RALGPS1: variants seen among roughly 807,000 people sequenced by gnomAD.
RALGPS1 encodes ras-specific guanine nucleotide-releasing factor RalGPS1.
RALGPS1 carries 19 observed loss-of-function variants against 78.8 expected under a neutral mutation model. That is an observed-to-expected ratio of 0.24 (90% CI 0.17 to 0.35). RALGPS1 has a LOEUF of 0.35. Ranked by LOEUF, RALGPS1 falls within the 10% of genes least tolerant of loss-of-function variation. The pLI is 1.00. For missense variants in RALGPS1, 454 were observed against 688.3 expected (o/e 0.66, Z 3.81); for synonymous variants, 228 against 256.3 (o/e 0.89, Z 1.06).
chr9:127,036,758 A>G (rs2046896943), intron 5 of RALGPS1, among the ~76,000 whole-genome samples: 1 of 152,258 alleles, frequency 6.6e-6, no homozygotes, highest in African/African-American at 2.4e-5. Flanking sequence ...TACAACCCCA[A>G]GGAATACCCT....
At chr9:126,969,977 G>C (rs1289157536) in intron 3 of RALGPS1, among the ~76,000 whole-genome samples, 2 of 152,170 alleles carry the variant, frequency 1.3e-5, no homozygotes, top group Non-Finnish European at 2.9e-5. Flanking sequence ...GGAGTGCCTA[G>C]GTGTTAGAAT....
intron 7 of RALGPS1, among the ~76,000 whole-genome samples, chr9:127,057,438 G>A (rs997135709): frequency 1.3e-5 from 2 of 152,216 alleles, no homozygotes; most frequent in South Asian, 4.1e-4. Flanking sequence ...CTAGGGCAGG[G>A]CGTCCTGTTG....
chr9:126,957,131 C>T (rs914945870), intron 1 of RALGPS1, among the ~76,000 whole-genome samples: 2 of 152,252 alleles, frequency 1.3e-5, no homozygotes, highest in African/African-American at 4.8e-5. Context: ...GTGCCTTGCA[C>T]AGCACCTGCA....
rs147852010 is a variant in RALGPS1 at position 126,923,813 on chromosome 9, A to G, written c.-66+8838A>G. ...GCCTCCCAAGTAGCTCCCAAGTGCC[A>G]CTACACCTGGCTGACAACCTTTTTT... On this transcript the variant is annotated intron_variant, in intron 1 of 18. Coordinates refer to ENST00000259351, the MANE Select transcript of RALGPS1 (RefSeq NM_014636.3). Among the ~76,000 whole-genome samples, 116 of 152,244 alleles carry G rather than the reference A, an allele frequency of 7.6e-4. 1 individual carries two copies. Among genetic ancestry groups the G allele is most frequent in the East Asian group, 2.9e-3 (15 of 5,182 alleles).
At position 127,196,621 on chromosome 9, in the gene RALGPS1, A is replaced by G; in HGVS notation, c.1185A>G (p.Gly395=). ...CCTCCTCCTCTGCTGTCACCAATGG[A>G]CTCTCCCTAGGTAAGCGTCTCCGGC... ...ALTSSSAVTN[G]LSLGSSESSE... Residue 395 remains glycine (G), a synonymous_variant, in exon 13 of 19, where the codon GGA becomes GGG. Coordinates refer to ENST00000259351, the MANE Select transcript of RALGPS1 (RefSeq NM_014636.3). 6.2e-7 allele frequency: 1 copy of G among 1,601,736 alleles called. No individual in the cohort carries two copies. The highest frequency in any genetic ancestry group is 8.5e-7 in the Non-Finnish European group (1 of 1,173,590).
intron 1 of RALGPS1, among the ~76,000 whole-genome samples, chr9:126,916,813 C>T (rs765408340): frequency 6.6e-6 from 1 of 151,888 alleles, no homozygotes; most frequent in Non-Finnish European, 1.5e-5. Flanking sequence ...AAAAGAAGAC[C>T]CCCAAAAGAA....
intron 3 of RALGPS1, among the ~76,000 whole-genome samples, chr9:126,967,896 A>T (rs1385480030): frequency 1.3e-5 from 2 of 152,174 alleles, no homozygotes. Flanking sequence ...CTTTCTAAGG[A>T]CGGGAACTTA....
At chr9:127,120,805 G>A (rs973325542) in intron 8 of RALGPS1, among the ~76,000 whole-genome samples, 12 of 151,236 alleles carry the variant, frequency 7.9e-5, no homozygotes, top group Non-Finnish European at 1.5e-4. Context: ...TCCAGCCTGG[G>A]TGACAGAGCG....
intron 11 of RALGPS1, chr9:127,178,499 G>A (rs2060016421): frequency 1.0e-6 from 1 of 989,376 alleles, no homozygotes; most frequent in Admixed American, 5.8e-5. Flanking sequence ...TCATGGTGAT[G>A]TGATTATCAT....
intron 1 of RALGPS1, among the ~76,000 whole-genome samples, chr9:126,916,006 C>A (rs1415635291): frequency 3.3e-5 from 5 of 152,192 alleles, no homozygotes; most frequent in Non-Finnish European, 7.3e-5. Context: ...GAGAGTTTTT[C>A]ACCTGTTTCC....
intron 4 of RALGPS1, among the ~76,000 whole-genome samples, chr9:127,020,396 A>C (rs555637272): frequency 1.3e-5 from 2 of 152,374 alleles, no homozygotes; most frequent in South Asian, 4.1e-4. Context: ...CATGAGGATC[A>C]ACATTAAGAA....
Position 126,950,344 on chromosome 9 carries a change from T to C in RALGPS1, c.-65-11881T>C, listed in dbSNP as rs905905636. Reference sequence around the variant, plus strand: ...ACTTTAAAGTAGTTTTTTCCAATTCTGTGAAGAAAGTCATTGGTAGCTTGA... The same window carrying C: ...ACTTTAAAGTAGTTTTTTCCAATTCCGTGAAGAAAGTCATTGGTAGCTTGA... On this transcript the variant is annotated intron_variant, in intron 1 of 18. Transcript: ENST00000259351. 5.3e-5 allele frequency among the ~76,000 whole-genome samples: 8 copies of C among 152,350 alleles called. No individual in the cohort carries two copies. The East Asian group carries it at 7.7e-4, about 15-fold the overall frequency.
At chr9:126,953,696 T>C (rs1447459022) in intron 1 of RALGPS1, among the ~76,000 whole-genome samples, 1 of 152,222 alleles carries the variant, frequency 6.6e-6, no homozygotes, top group East Asian at 1.9e-4. Flanking sequence ...ATGATCAGAC[T>C]GTGTATGAGC....
At chr9:127,175,677 CTTTT>C (rs11354346) in intron 11 of RALGPS1, among the ~76,000 whole-genome samples, 1 of 108,978 alleles carries the variant, frequency 9.2e-6, no homozygotes, top group African/African-American at 3.7e-5. Flanking sequence ...TTTGGGCCTC[CTTTT>C]TTTTTTTTTT....
intron 11 of RALGPS1, among the ~76,000 whole-genome samples, chr9:127,185,168 C>T (rs1039034103): frequency 6.6e-6 from 1 of 152,150 alleles, no homozygotes; most frequent in African/African-American, 2.4e-5. Flanking sequence ...CCTGTGGTGT[C>T]AAGTCTTGGC....
intron 8 of RALGPS1, among the ~76,000 whole-genome samples, chr9:127,161,263 C>A (rs201013191): frequency 6.6e-6 from 1 of 152,250 alleles, no homozygotes; most frequent in East Asian, 1.9e-4. Context: ...TCCTCCCATG[C>A]TGCTGCTTCA....
At chr9:127,096,509 G>A (rs549311875) in intron 8 of RALGPS1, among the ~76,000 whole-genome samples, 390 of 152,336 alleles carry the variant, frequency 2.6e-3, no homozygotes, top group African/African-American at 8.5e-3. Flanking sequence ...GAGGCGCCAC[G>A]TAGGGAGAGG....
chr9:127,177,898 C>T (rs1182593582), intron 11 of RALGPS1: 42 of 1,549,260 alleles, frequency 2.7e-5, no homozygotes, highest in Non-Finnish European at 3.6e-5. Context: ...GTTTATTAGC[C>T]ATGTGAGACC....
intron 11 of RALGPS1, chr9:127,177,951 C>T: frequency 1.3e-6 from 2 of 1,548,134 alleles, no homozygotes; most frequent in East Asian, 4.9e-5. Flanking sequence ...AGAGCCCTGG[C>T]AGGGGACAGA....
Sources: allele counts gnomAD v4.1 joint callset (sites outside exome capture counted in the v4.1 genomes callset), GRCh38; gene constraint gnomAD v4.1.1; transcripts MANE v1.5; gene names NCBI Gene and HGNC (gene_info 2026-07-23, HGNC 2026-07-21).